Variants in NIPSNAP3B observed in about 807,000 individuals in gnomAD.
NIPSNAP3B encodes the protein protein NipSnap homolog 3B.
In NIPSNAP3B, 30 loss-of-function variants were observed where a neutral mutation model predicts 31.5. That is an observed-to-expected ratio of 0.95 (90% CI 0.71 to 1.29). NIPSNAP3B has a LOEUF of 1.29. Among genes scored for constraint, NIPSNAP3B ranks in the 50% most tolerant of loss-of-function variants. NIPSNAP3B has a pLI of 0.00. For synonymous variants in NIPSNAP3B, 106 were observed against 107.9 expected (o/e 0.98, Z 0.11); for missense variants, 269 against 300.7 (o/e 0.89, Z 0.78).
chr9:104,764,475 C>T (rs1386902557), intron 1 of NIPSNAP3B, among the ~76,000 whole-genome samples, 175 bp downstream of exon 1: 1 of 152,218 alleles, frequency 6.6e-6, no homozygotes, highest in Non-Finnish European at 1.5e-5. Context: ...AGGCTACAGG[C>T]CGGGGTCGTC....
chr9:104,769,252 A>G (rs1828156642), intron 3 of NIPSNAP3B, among the ~76,000 whole-genome samples: 1 of 152,086 alleles, frequency 6.6e-6, no homozygotes, highest in Non-Finnish European at 1.5e-5. Context: ...TCAAGAATTC[A>G]AGATCCGCCT....
the NIPSNAP3B span, chr9:104,784,410 T>G: frequency 2.5e-6 from 4 of 1,614,096 alleles, no homozygotes; most frequent in Non-Finnish European, 3.4e-6. Context: ...GAGAGGTCTT[T>G]TAAGTGGTCA....
In NIPSNAP3B at chr9:104,773,914, A is replaced by G. The variant is rs1466926053; in HGVS notation, c.*841A>G. 6.6e-6 allele frequency: 1 copy of G among 152,164 alleles called. No individual in the cohort carries two copies. Among genetic ancestry groups the G allele is most frequent in the Non-Finnish European group, 1.5e-5 (1 of 68,000 alleles). The allele number at this position is 152,164 out of a possible 1,614,324, so 9.4% of individuals were successfully genotyped here. On this transcript the variant is annotated 3_prime_UTR_variant, in exon 6 of 6. Coordinates refer to ENST00000374762, the MANE Select transcript of NIPSNAP3B (RefSeq NM_018376.4). The stretch of plus-strand genomic sequence containing the variant: ...TCTTGCTATGTTGCTATAAGACAGT[A>G]ATATAGTGATAATTTACCAACTTTA...
the NIPSNAP3B span, among the ~76,000 whole-genome samples, chr9:104,784,711 T>C: frequency 6.6e-6 from 1 of 152,208 alleles, no homozygotes; most frequent in African/African-American, 2.4e-5. Context: ...TGGCGAGACC[T>C]TGGCTCACTG....
chr9:104,765,707 C>T (rs1354026950), intron 1 of NIPSNAP3B, among the ~76,000 whole-genome samples: 1 of 152,150 alleles, frequency 6.6e-6, no homozygotes, highest in Admixed American at 6.5e-5. Context: ...ATGCAGTATA[C>T]ACCCATAGTA....
Position 104,777,605 on chromosome 9 carries a change from A to G in NIPSNAP3B, c.*4532A>G, listed in dbSNP as rs1453383705. Reference sequence around the variant, plus strand: ...TTGAAAGGGCAAGTCCGTGGTGGTCATGAACCACCCAGAGTGTGTACAAGG... The same window carrying G: ...TTGAAAGGGCAAGTCCGTGGTGGTCGTGAACCACCCAGAGTGTGTACAAGG... On this transcript the variant is annotated 3_prime_UTR_variant, in exon 6 of 6. Transcript: ENST00000374762. 2.0e-5 allele frequency: 3 copies of G among 152,268 alleles called. No individual in the cohort carries two copies. Among genetic ancestry groups the G allele is most frequent in the African/African-American group, 7.2e-5 (3 of 41,470 alleles). The allele number at this position is 152,268 out of a possible 1,614,324, so 9.4% of individuals were successfully genotyped here.
the NIPSNAP3B span, chr9:104,786,776 G>A: frequency 8.7e-7 from 1 of 1,152,402 alleles, no homozygotes. Flanking sequence ...TTTACTCTTT[G>A]CTTTTCTGTA....
chr9:104,790,760 T>C, the NIPSNAP3B span, among the ~76,000 whole-genome samples: 4,912 of 152,344 alleles, frequency 0.032, 252 homozygotes, highest in African/African-American at 0.11. Context: ...TCTCTAGATA[T>C]TGAAATCATG....
chr9:104,785,638 A>C, the NIPSNAP3B span: 1 of 1,613,970 alleles, frequency 6.2e-7, no homozygotes, highest in Non-Finnish European at 8.5e-7. Flanking sequence ...CCATCTCCAA[A>C]CCTGAAAGCA....
At chr9:104,786,369 A>G in the NIPSNAP3B span, 2 of 1,614,146 alleles carry the variant, frequency 1.2e-6, no homozygotes, top group African/African-American at 1.3e-5. Context: ...TCCTAGTGCA[A>G]AGAGCTTCAC....
chr9:104,766,840 C>T (rs908299045), intron 2 of NIPSNAP3B, among the ~76,000 whole-genome samples: 1 of 152,146 alleles, frequency 6.6e-6, no homozygotes, highest in African/African-American at 2.4e-5. Flanking sequence ...ATAAAGATAG[C>T]TCATGAAAAA....
intron 4 of NIPSNAP3B, among the ~76,000 whole-genome samples, chr9:104,771,846 CAG>C (rs1382776552): frequency 1.3e-5 from 2 of 152,188 alleles, no homozygotes; most frequent in African/African-American, 2.4e-5. Context: ...CTCCCACCAA[CAG>C]GGTGTAAGTG....
chr9:104,788,036 G>A, the NIPSNAP3B span: 8 of 1,614,140 alleles, frequency 5.0e-6, no homozygotes, highest in South Asian at 2.2e-5. Context: ...CCCAGTTTCC[G>A]AATCGCCCAC....
intron 3 of NIPSNAP3B, among the ~76,000 whole-genome samples, chr9:104,769,795 G>C (rs1439554428): frequency 6.6e-6 from 1 of 152,080 alleles, no homozygotes; most frequent in Non-Finnish European, 1.5e-5. Context: ...ACTGTTTTGG[G>C]GGAATGAATT....
the NIPSNAP3B span, among the ~76,000 whole-genome samples, chr9:104,789,853 G>A: frequency 6.6e-6 from 1 of 152,098 alleles, no homozygotes; most frequent in East Asian, 1.9e-4. Flanking sequence ...CAGAACTTTG[G>A]GAGGCTGAGG....
At chr9:104,782,182 T>C (rs1828584989), downstream of NIPSNAP3B, 1 of 152,004 alleles carries the variant, frequency 6.6e-6, no homozygotes, top group South Asian at 2.1e-4. Context: ...TGAGGAGAAA[T>C]TATTCTATAA....
At chr9:104,770,144 C>G (rs2482427) in intron 3 of NIPSNAP3B, among the ~76,000 whole-genome samples, 98,701 of 151,970 alleles carry the variant, frequency 0.65, 32,526 homozygotes, top group Admixed American at 0.74. Flanking sequence ...TTAATAGTTC[C>G]CTTCCTCTAT....
Position 104,772,819 on chromosome 9 carries a change from C to T in NIPSNAP3B, c.581-3C>T. 1 of 1,611,590 alleles carries T rather than the reference C, an allele frequency of 6.2e-7. No homozygotes were observed. Among genetic ancestry groups the T allele is most frequent in the Non-Finnish European group, 8.5e-7 (1 of 1,178,710 alleles). ...AGAAACTACTTGTGGTTTATTTCTG[C>T]AGTTCATGTTCTTTGGTGGAATGAG... On this transcript the variant is annotated splice_polypyrimidine_tract_variant and splice_region_variant and intron_variant, in intron 4 of 5. Transcript: ENST00000374762.
rs761645484 is a variant in NIPSNAP3B at position 104,764,277 on chromosome 9, G to C, written c.37G>C (p.Ala13Pro). 6.3e-7 allele frequency: 1 copy of C among 1,595,838 alleles called. No individual in the cohort carries two copies. Among genetic ancestry groups the C allele is most frequent in the South Asian group, 1.1e-5 (1 of 87,944 alleles). ...CAGAAGCGGCCTGACCAAGGCGCTTGCCTCACGGACGCTCGCGCCTCAGGT... is the reference window on the plus strand; with the variant it reads ...CAGAAGCGGCCTGACCAAGGCGCTTCCCTCACGGACGCTCGCGCCTCAGGT... ...VLRSGLTKAL[A>P]SRTLAPQVCS... is the part of the protein sequence containing the mutation. Residue 13 changes from alanine (A) to proline (P), a missense_variant, in exon 1 of 6, where the codon GCC becomes CCC. Coordinates refer to ENST00000374762, the MANE Select transcript of NIPSNAP3B (RefSeq NM_018376.4).
Sources: allele counts gnomAD v4.1 joint callset (sites outside exome capture counted in the v4.1 genomes callset), GRCh38; gene constraint gnomAD v4.1.1; transcripts MANE v1.5; gene names NCBI Gene and HGNC (gene_info 2026-07-23, HGNC 2026-07-21).